CAST: variants seen among roughly 807,000 people sequenced by gnomAD.
The protein encoded by CAST is MIR583 host.
CAST carries 76 observed loss-of-function variants against 119.6 expected under a neutral mutation model. The observed-to-expected ratio is 0.64, with a 90% CI of 0.53 to 0.77. CAST has a LOEUF of 0.77. CAST is among the 30% of genes least tolerant of loss of function. The probability of loss-of-function intolerance (pLI) is 0.00; values close to 1 mark genes in which losing one functional copy is unlikely to be tolerated. For missense variants in CAST, 953 were observed against 946.5 expected (o/e 1.01, Z -0.09); for synonymous variants, 319 against 331.6 (o/e 0.96, Z 0.41).
chr5:96,019,854 C>A, the CAST span, among the ~76,000 whole-genome samples: 1 of 152,122 alleles, frequency 6.6e-6, no homozygotes. Flanking sequence ...GATACATTTT[C>A]TTAGATCAGA....
the CAST span, among the ~76,000 whole-genome samples, chr5:96,260,933 A>G: frequency 1.3e-5 from 2 of 152,232 alleles, no homozygotes; most frequent in Admixed American, 6.5e-5. Context: ...CCTTTGCCTG[A>G]CAACCTCGGA....
In CAST at chr5:96,617,063, C is replaced by T. The variant is rs138677396; in HGVS notation, c.61-58476C>T. ...CCATTGCTTGAATCATAGGCTAACA[C>T]ACTGGGACAGGTTGCTACTGTGAAT... On this transcript the variant is annotated intron_variant, in intron 1 of 11. Transcript: ENST00000505143. Among the ~76,000 whole-genome samples the T allele has an allele frequency of 2.1e-3, 325 of 152,276 alleles. 1 individual carries two copies. The highest frequency in any genetic ancestry group is 7.5e-3 in the African/African-American group (312 of 41,554).
At chr5:96,643,140 T>C (rs1747973825) in intron 1 of CAST, among the ~76,000 whole-genome samples, 2 of 152,212 alleles carry the variant, frequency 1.3e-5, no homozygotes, top group African/African-American at 4.8e-5. Flanking sequence ...TGGAGTGGCA[T>C]GTTTGCACGC....
chr5:96,268,918 T>A, the CAST span, among the ~76,000 whole-genome samples: 1 of 152,134 alleles, frequency 6.6e-6, no homozygotes, highest in Non-Finnish European at 1.5e-5. Flanking sequence ...TTTCCCCCAA[T>A]GCTGTTCTCG....
At chr5:96,098,108 T>C in the CAST span, among the ~76,000 whole-genome samples, 1 of 152,368 alleles carries the variant, frequency 6.6e-6, no homozygotes, top group East Asian at 1.9e-4. Flanking sequence ...ATGTAATTGT[T>C]GGGCACATGT....
chr5:95,998,326 G>A, the CAST span, among the ~76,000 whole-genome samples: 3 of 149,676 alleles, frequency 2.0e-5, no homozygotes, highest in South Asian at 6.4e-4. Flanking sequence ...ATTGTATAGT[G>A]GTAAAGTCTA....
rs961578401 is a variant in CAST, at chr5:96,615,271, A to G, written c.61-60268A>G. On this transcript the variant is annotated intron_variant, in intron 1 of 11. Transcript: ENST00000505143. ...GGTGTATTAAGTGCATTTTTGACTT[A>G]CAATATTTTCTATTTCCAGTAAGTT... Among the ~76,000 whole-genome samples, 6 of 152,356 alleles carry G rather than the reference A, an allele frequency of 3.9e-5. No homozygotes were observed. The East Asian group carries it at 9.6e-4, about 24-fold the overall frequency.
At chr5:96,159,031 T>C in the CAST span, among the ~76,000 whole-genome samples, 1 of 152,186 alleles carries the variant, frequency 6.6e-6, no homozygotes, top group African/African-American at 2.4e-5. Context: ...GTGCTCAAAC[T>C]GGAAAAAGGC....
chr5:96,757,059 A>AACCTCT (rs1199234258), intron 22 of CAST, among the ~76,000 whole-genome samples: 2 of 152,170 alleles, frequency 1.3e-5, no homozygotes, highest in Admixed American at 1.3e-4. Flanking sequence ...TTTTCCAGAC[A>AACCTCT]ACCTCTACAA....
At chr5:96,257,857 C>A in the CAST span, among the ~76,000 whole-genome samples, 8 of 152,224 alleles carry the variant, frequency 5.3e-5, no homozygotes, top group Non-Finnish European at 7.3e-5. Flanking sequence ...GCGCACAAGG[C>A]GCACTCTTTT....
chr5:96,022,853 T>C, the CAST span, among the ~76,000 whole-genome samples: 1 of 152,166 alleles, frequency 6.6e-6, no homozygotes, highest in Admixed American at 6.5e-5. Context: ...AAACCTCTGT[T>C]TTCTGCTCTT....
chr5:96,667,638 A>G (rs1208476895), intron 1 of CAST, among the ~76,000 whole-genome samples: 4 of 152,246 alleles, frequency 2.6e-5, no homozygotes, highest in African/African-American at 4.8e-5. Flanking sequence ...CTTGGGGTTC[A>G]GTGAAAACAG....
intron 1 of CAST, among the ~76,000 whole-genome samples, chr5:96,640,362 A>C: frequency 6.6e-6 from 1 of 152,214 alleles, no homozygotes. Context: ...AGCATATGCA[A>C]TATGTTGAAT....
chr5:96,578,052 T>C (rs1323576238), intron 1 of CAST, among the ~76,000 whole-genome samples: 2 of 152,182 alleles, frequency 1.3e-5, no homozygotes, highest in Non-Finnish European at 2.9e-5. Context: ...CAACTATAGT[T>C]GTGAGTGTGT....
chr5:96,744,857 C>T (rs1008585059), intron 16 of CAST, among the ~76,000 whole-genome samples: 1 of 152,204 alleles, frequency 6.6e-6, no homozygotes, highest in Admixed American at 6.5e-5. Flanking sequence ...GTATTCCCAT[C>T]ATCTACCATA....
At chr5:96,221,849 T>A in the CAST span, among the ~76,000 whole-genome samples, 1 of 152,116 alleles carries the variant, frequency 6.6e-6, no homozygotes, top group Non-Finnish European at 1.5e-5. Context: ...ACCACCTGAC[T>A]TCAAAGTATA....
At chr5:96,003,362 C>G in the CAST span, among the ~76,000 whole-genome samples, 1,288 of 151,984 alleles carry the variant, frequency 8.5e-3, 21 homozygotes, top group African/African-American at 0.029. Flanking sequence ...CACGGTGAAA[C>G]CCCGTCTCTA....
At chr5:95,964,272 T>C in the CAST span, among the ~76,000 whole-genome samples, 1 of 152,172 alleles carries the variant, frequency 6.6e-6, no homozygotes, top group African/African-American at 2.4e-5. Flanking sequence ...GTTAGGATAA[T>C]TTATTTTGAG....
chr5:96,774,682 A>AAT, exon 32 of CAST: 6 of 982,416 alleles, frequency 6.1e-6, no homozygotes, highest in African/African-American at 5.2e-5. Context: ...TTTACATTAA[A>AAT]ATCTTGGTTG....
Sources: allele counts gnomAD v4.1 joint callset (sites outside exome capture counted in the v4.1 genomes callset), GRCh38; gene constraint gnomAD v4.1.1; transcripts MANE v1.5; gene names NCBI Gene and HGNC (gene_info 2026-07-23, HGNC 2026-07-21).